Variants in PPP6R3 observed in about 807,000 individuals in gnomAD.
PPP6R3 encodes serine/threonine-protein phosphatase 6 regulatory subunit 3.
A neutral mutation model predicts 110.7 loss-of-function variants in PPP6R3; 38 were observed. That is an observed-to-expected ratio of 0.34 (90% CI 0.26 to 0.45). PPP6R3 has a LOEUF of 0.45. PPP6R3 is among the 20% of genes least tolerant of loss of function. The pLI is 1.00. For missense variants in PPP6R3, 870 were observed against 1,062.4 expected, an observed-to-expected ratio of 0.82 and a Z score of 2.52; for synonymous variants, 369 against 373.5, an observed-to-expected ratio of 0.99 and a Z score of 0.14.
chr11:68,579,613 C>A (rs1261740696), intron 14 of PPP6R3, among the ~76,000 whole-genome samples: 1 of 152,208 alleles, frequency 6.6e-6, no homozygotes, highest in Non-Finnish European at 1.5e-5. Context: ...ATTTCTGCTT[C>A]AGTGGAGATG....
chr11:68,585,039 G>A (rs2099573851), intron 15 of PPP6R3, among the ~76,000 whole-genome samples: 1 of 152,156 alleles, frequency 6.6e-6, no homozygotes, highest in African/African-American at 2.4e-5. Context: ...TTTGAGGTTG[G>A]GCATCATGTT....
At chr11:68,568,273 A>G (rs926420430) in intron 10 of PPP6R3, among the ~76,000 whole-genome samples, 3 of 152,234 alleles carry the variant, frequency 2.0e-5, no homozygotes, top group Admixed American at 2.0e-4. Context: ...CTCCGGGAAT[A>G]TAACGTTCCT....
At chr11:68,524,841 G>A (rs933634718) in intron 2 of PPP6R3, among the ~76,000 whole-genome samples, 3 of 152,206 alleles carry the variant, frequency 2.0e-5, no homozygotes, top group African/African-American at 7.2e-5. Flanking sequence ...CTGGCCACAA[G>A]AGCTGAGCTT....
intron 14 of PPP6R3, among the ~76,000 whole-genome samples, chr11:68,578,070 C>T (rs1233255070): frequency 6.6e-6 from 1 of 152,110 alleles, no homozygotes; most frequent in African/African-American, 2.4e-5. Flanking sequence ...GTCTTAAGTC[C>T]TTCTGATAGG....
Position 68,590,670 on chromosome 11 carries a change from G to T in PPP6R3, c.1741G>T (p.Asp581Tyr). 2 of 1,588,364 alleles carry T rather than the reference G, an allele frequency of 1.3e-6. No homozygotes were observed. Among genetic ancestry groups the T allele is most frequent in the South Asian group, 2.3e-5 (2 of 87,762 alleles). ...TTTGTTTTTTTACAGTGTTTCTTTT[G>T]ATCGAGTATCAGACATCAACTTTAC... The part of the protein sequence containing the change: ...DQDDIGNVSF[D>Y]RVSDINFTLN... Residue 581 changes from aspartate to tyrosine, a missense_variant, in exon 17 of 24, where the codon GAT (aspartate) becomes TAT (tyrosine). Physicochemically the swap from Asp to Tyr is radical, Grantham distance 160 (BLOSUM62 -3). Transcript: ENST00000393800.
intron 1 of PPP6R3, among the ~76,000 whole-genome samples, chr11:68,466,400 GTATCT>G (rs1413123273): frequency 6.6e-6 from 1 of 150,980 alleles, no homozygotes; most frequent in Admixed American, 6.6e-5. Context: ...ATGTGGAAAG[GTATCT>G]TATCTCTATG....
At chr11:68,604,690 A>G (rs1020025452) in intron 22 of PPP6R3, among the ~76,000 whole-genome samples, 1 of 152,266 alleles carries the variant, frequency 6.6e-6, no homozygotes, top group Non-Finnish European at 1.5e-5. Context: ...AATCACTTGC[A>G]TCCTATAAAT....
At chr11:68,479,299 C>T (rs2098879900) in intron 1 of PPP6R3, among the ~76,000 whole-genome samples, 1 of 152,098 alleles carries the variant, frequency 6.6e-6, no homozygotes, top group Admixed American at 6.6e-5. Flanking sequence ...GTCTTTTTCC[C>T]CTTGGAGACG....
Position 68,600,365 on chromosome 11 carries a change from A to G in PPP6R3, c.2063A>G (p.Asp688Gly), listed in dbSNP as rs1036868155. 2.5e-6 allele frequency: 4 copies of G among 1,613,886 alleles called. No individual in the cohort carries two copies. In the African/African-American group the frequency reaches 4.0e-5, roughly 16 times the overall value. The change falls in exon 20 of 24, where the codon GAT (aspartate) becomes GGT (glycine). Residue 688 changes from aspartate (D) to glycine (G), a missense_variant. Asp to Gly is a moderately conservative substitution (Grantham distance 94). Transcript: ENST00000393800. ...SEPPNWSANFDVPMETTHGAP... is the reference protein window; with the variant it reads ...SEPPNWSANFGVPMETTHGAP... ...GCACCCAACTGGTCAGCTAACTTTGATGTCCCAATGGAAACAACCCACGGT... is the reference window on the plus strand; with the variant it reads ...GCACCCAACTGGTCAGCTAACTTTGGTGTCCCAATGGAAACAACCCACGGT...
At chr11:68,489,302 T>G (rs1263530826) in intron 1 of PPP6R3, among the ~76,000 whole-genome samples, 1 of 152,218 alleles carries the variant, frequency 6.6e-6, no homozygotes, top group Non-Finnish European at 1.5e-5. Flanking sequence ...TTTGTGCTTT[T>G]GTCACATACA....
At chr11:68,502,105 G>A (rs1337122406) in intron 1 of PPP6R3, among the ~76,000 whole-genome samples, 1 of 152,190 alleles carries the variant, frequency 6.6e-6, no homozygotes, top group African/African-American at 2.4e-5. Flanking sequence ...GTACCCTCAT[G>A]AAATGCTCAG....
intron 8 of PPP6R3, 91 bp downstream of exon 8, chr11:68,558,770 T>A: frequency 1.1e-6 from 1 of 902,240 alleles, no homozygotes; most frequent in African/African-American, 1.7e-5. Flanking sequence ...TGTAATAGCG[T>A]ACCTTTGAAT....
chr11:68,491,328 C>CTGTGTGTGTGTGTGTGTG, intron 1 of PPP6R3, among the ~76,000 whole-genome samples: 1 of 123,566 alleles, frequency 8.1e-6, no homozygotes, highest in East Asian at 2.5e-4. Flanking sequence ...GTGTCTTCAG[C>CTGTGTGTGTGTGTGTGTG]TGTGTGTGTG....
intron 1 of PPP6R3, among the ~76,000 whole-genome samples, chr11:68,513,635 G>C (rs2099121625): frequency 1.3e-5 from 2 of 152,186 alleles, no homozygotes; most frequent in African/African-American, 4.8e-5. Context: ...AATCTCTTCT[G>C]CCAAATTATT....
chr11:68,591,292 CAG>C (rs1385213253), intron 17 of PPP6R3, among the ~76,000 whole-genome samples: 2 of 152,254 alleles, frequency 1.3e-5, no homozygotes, highest in East Asian at 1.9e-4. Flanking sequence ...ATCTCCAGGA[CAG>C]GGGAGGCTCC....
chr11:68,550,603 C>G (rs1301577517), intron 5 of PPP6R3, among the ~76,000 whole-genome samples: 3 of 152,194 alleles, frequency 2.0e-5, no homozygotes, highest in Admixed American at 1.3e-4. Context: ...AACTCTGCCT[C>G]TGTGCTTCCT....
chr11:68,488,072 A>G (rs886260535), intron 1 of PPP6R3, among the ~76,000 whole-genome samples: 1 of 152,108 alleles, frequency 6.6e-6, no homozygotes, highest in Non-Finnish European at 1.5e-5. Context: ...AAGGATTGTT[A>G]TGTCTTCTTG....
rs1945044993 is a variant in PPP6R3 at position 68,615,212 on chromosome 11, T to TTTTG, written c.*2099_*2102dup. On this transcript the variant is annotated 3_prime_UTR_variant, in exon 24 of 24. Coordinates refer to ENST00000393800, the MANE Select transcript of PPP6R3 (RefSeq NM_001164161.2). ...AAGGACAGGAGCAAGTGTGCCCTCA[T>TTTTG]TTTGTTTCTACTTTTAATTTCTGTG... 1 of 393,230 alleles carries TTTTG rather than the reference T, an allele frequency of 2.5e-6. No individual in the cohort carries two copies. The highest frequency in any genetic ancestry group is 2.1e-5 in the African/African-American group (1 of 47,848). The allele number at this position is 393,230 out of a possible 1,614,324, so 24.4% of individuals were successfully genotyped here.
rs568325218 is a variant in PPP6R3 at position 68,576,177 on chromosome 11, GGA to G, written c.1545+140_1545+141del. 243 of 624,420 alleles carry G rather than the reference GGA, an allele frequency of 3.9e-4. 1 individual carries two copies. Among genetic ancestry groups the G allele is most frequent in the African/African-American group, 3.4e-3 (183 of 53,202 alleles). The allele number at this position is 624,420 out of a possible 1,614,324, so 38.7% of individuals were successfully genotyped here. A position where few individuals can be genotyped will look rare whatever the true frequency, so the allele number is the denominator to read the frequency against. On this transcript the variant is annotated intron_variant, in intron 14 of 23. Coordinates refer to ENST00000393800, the MANE Select transcript of PPP6R3 (RefSeq NM_001164161.2). The stretch of plus-strand genomic sequence containing the variant: ...AGATAAATTCTTATCTCTTTACCAG[GGA>G]GAGAGGTCAGTATTCACAATATTCT...
Sources: gnomAD v4.1 joint callset for allele counts (sites outside exome capture counted in the v4.1 genomes callset) on GRCh38, gnomAD v4.1.1 for gene constraint, MANE v1.5 for transcripts, NCBI Gene and HGNC (gene_info 2026-07-23, HGNC 2026-07-21) for gene names.